The following EDIL3 variants were observed in gnomAD, a reference collection of about 807,000 sequenced individuals.
EDIL3 encodes the protein EGF-like repeat and discoidin I-like domain-containing protein 3.
EDIL3 carries 37 observed loss-of-function variants against 67.4 expected under a neutral mutation model. The observed-to-expected ratio is 0.55, with a 90% CI of 0.42 to 0.72. The LOEUF (loss-of-function observed/expected upper bound fraction) is 0.72. Among genes scored for constraint, EDIL3 ranks in the 30% least tolerant of loss-of-function variants. The pLI is 0.00. For missense variants in EDIL3, 527 were observed against 586.3 expected, an observed-to-expected ratio of 0.90 and a Z score of 1.04; for synonymous variants, 195 against 196.3, an observed-to-expected ratio of 0.99 and a Z score of 0.05.
At chr5:84,098,078 A>G (rs1462003003) in intron 6 of EDIL3, among the ~76,000 whole-genome samples, 1 of 150,010 alleles carries the variant, frequency 6.7e-6, no homozygotes, top group Non-Finnish European at 1.5e-5. Context: ...AAAGAAATAA[A>G]GCTCCAAAAA....
chr5:84,219,753 C>T (rs1048844191), intron 3 of EDIL3, among the ~76,000 whole-genome samples: 4 of 152,108 alleles, frequency 2.6e-5, no homozygotes, highest in African/African-American at 9.7e-5. Context: ...AAGTGTGGTA[C>T]ATATGGACAA....
intron 2 of EDIL3, among the ~76,000 whole-genome samples, chr5:84,235,720 ATAT>A (rs1176599918): frequency 2.0e-5 from 3 of 152,064 alleles, no homozygotes; most frequent in African/African-American, 7.2e-5. Context: ...TCATTTTGTA[ATAT>A]TATTAAATTA....
At chr5:84,073,387 G>T (rs148858673) in intron 6 of EDIL3, among the ~76,000 whole-genome samples, 1 of 152,092 alleles carries the variant, frequency 6.6e-6, no homozygotes, top group Non-Finnish European at 1.5e-5. Context: ...TATTCAATTA[G>T]GAAAAGAGGA....
At chr5:84,138,285 T>C (rs1748129031) in intron 4 of EDIL3, among the ~76,000 whole-genome samples, 1 of 152,174 alleles carries the variant, frequency 6.6e-6, no homozygotes, top group African/African-American at 2.4e-5. Context: ...TTTTTAACTG[T>C]ATTACAGACT....
chr5:84,069,457 A>C (rs1361230211), intron 6 of EDIL3, among the ~76,000 whole-genome samples: 1 of 152,226 alleles, frequency 6.6e-6, no homozygotes, highest in Non-Finnish European at 1.5e-5. Context: ...AGGAGGTTTT[A>C]ATAAAATATG....
intron 2 of EDIL3, among the ~76,000 whole-genome samples, chr5:84,253,670 T>TAATTATTATTATCATTATCACCTA (rs1745075018): frequency 6.6e-6 from 1 of 152,088 alleles, no homozygotes; most frequent in African/African-American, 2.4e-5. Context: ...AAGTAATGAT[T>TAATTATTATTATCATTATCACCTA]AGAACAGCTA....
At chr5:84,273,764 T>C (rs1386529524) in intron 1 of EDIL3, among the ~76,000 whole-genome samples, 1 of 152,164 alleles carries the variant, frequency 6.6e-6, no homozygotes, top group Admixed American at 6.5e-5. Context: ...ATCAGCACCA[T>C]GGTTTGTCTA....
intron 9 of EDIL3, among the ~76,000 whole-genome samples, chr5:83,980,046 A>G (rs988361096): frequency 2.0e-5 from 3 of 152,120 alleles, no homozygotes; most frequent in Non-Finnish European, 1.5e-5. Flanking sequence ...ACTGTAACCA[A>G]TAACATCAAT....
chr5:84,364,640 T>C (rs1274716104), intron 1 of EDIL3, among the ~76,000 whole-genome samples: 1 of 152,136 alleles, frequency 6.6e-6, no homozygotes, highest in Non-Finnish European at 1.5e-5. Context: ...TGTTCTTTTA[T>C]GGGGCCATTT....
intron 1 of EDIL3, among the ~76,000 whole-genome samples, chr5:84,312,055 G>A (rs1028736668): frequency 2.0e-5 from 3 of 152,118 alleles, no homozygotes; most frequent in Non-Finnish European, 4.4e-5. Flanking sequence ...ATCATGGCCC[G>A]TTCTCAATGA....
chr5:84,075,947 T>TATA (rs1746848026), intron 6 of EDIL3, among the ~76,000 whole-genome samples: 1 of 130,634 alleles, frequency 7.7e-6, no homozygotes, highest in African/African-American at 2.6e-5. Context: ...ATTGTGGGTT[T>TATA]TATATATATA....
At chr5:84,099,299 C>T (rs4371724) in intron 6 of EDIL3, among the ~76,000 whole-genome samples, 1 of 147,770 alleles carries the variant, frequency 6.8e-6, no homozygotes, top group Admixed American at 6.8e-5. Context: ...CAAGACAATC[C>T]TAAGCAGAAA....
chr5:84,314,469 AG>A (rs1746469301), intron 1 of EDIL3, among the ~76,000 whole-genome samples: 1 of 152,196 alleles, frequency 6.6e-6, no homozygotes, highest in African/African-American at 2.4e-5. Context: ...ATGCATGCAA[AG>A]GAAAGTCTAT....
intron 6 of EDIL3, among the ~76,000 whole-genome samples, chr5:84,099,856 T>G (rs1412990530): frequency 6.6e-6 from 1 of 150,426 alleles, no homozygotes; most frequent in East Asian, 1.9e-4. Context: ...ATATCCAGAA[T>G]CTACAAAGAA....
At chr5:84,276,729 C>T (rs12514854) in intron 1 of EDIL3, among the ~76,000 whole-genome samples, 2,124 of 151,946 alleles carry the variant, frequency 0.014, 114 homozygotes, top group Admixed American at 0.099. Flanking sequence ...CCACCACGCT[C>T]GGCTAAATTT....
At chr5:84,205,293 T>C (rs1177568961) in intron 3 of EDIL3, among the ~76,000 whole-genome samples, 1 of 152,132 alleles carries the variant, frequency 6.6e-6, no homozygotes, top group East Asian at 1.9e-4. Context: ...ACATTTTTTG[T>C]GTGGATTTTA....
At chr5:84,373,536 AT>A (rs1481391732) in intron 1 of EDIL3, among the ~76,000 whole-genome samples, 2 of 152,100 alleles carry the variant, frequency 1.3e-5, no homozygotes, top group Admixed American at 6.6e-5. Flanking sequence ...GATAGTACTC[AT>A]TTTCTTAGTG....
intron 5 of EDIL3, among the ~76,000 whole-genome samples, chr5:84,112,200 A>T (rs1747577022): frequency 2.0e-5 from 3 of 152,204 alleles, no homozygotes; most frequent in Admixed American, 2.0e-4. Context: ...CATTTAATTT[A>T]GATCATTCCC....
chr5:84,102,204 A>G (rs1747380035), intron 6 of EDIL3, among the ~76,000 whole-genome samples: 1 of 152,122 alleles, frequency 6.6e-6, no homozygotes, highest in African/African-American at 2.4e-5. Flanking sequence ...ACCCACAGCC[A>G]ACATCATACT....
Sources: gnomAD v4.1 joint callset for allele counts (sites outside exome capture counted in the v4.1 genomes callset) on GRCh38, gnomAD v4.1.1 for gene constraint, MANE v1.5 for transcripts, NCBI Gene and HGNC (gene_info 2026-07-23, HGNC 2026-07-21) for gene names.